The following MORF4L1 variants were observed in gnomAD, a reference collection of about 807,000 sequenced individuals.
The protein encoded by MORF4L1 is mortality factor 4-like protein 1.
A neutral mutation model predicts 52.9 loss-of-function variants in MORF4L1; 4 were observed. The observed-to-expected ratio is 0.08, with a 90% CI of 0.04 to 0.17. The LOEUF is 0.17. MORF4L1 is among the 10% of genes least tolerant of loss of function. The pLI is 1.00. For missense variants in MORF4L1, 214 were observed against 390.4 expected (o/e 0.55, Z 3.81); for synonymous variants, 123 against 134.8 (o/e 0.91, Z 0.61).
chr15:78,881,649 C>G (rs1031856835), intron 3 of MORF4L1, among the ~76,000 whole-genome samples: 1 of 152,140 alleles, frequency 6.6e-6, no homozygotes, highest in East Asian at 1.9e-4. Context: ...ACAAATAACC[C>G]TGTCTAAAAA....
chr15:78,884,836 A>C (rs1421884189), intron 3 of MORF4L1: 3 of 515,012 alleles, frequency 5.8e-6, no homozygotes, highest in Non-Finnish European at 9.9e-6. Context: ...GAGATTTCTA[A>C]ATTTTCAAAC....
rs78029710 is a variant in MORF4L1 at position 78,894,494 on chromosome 15, C to T, written c.802+264C>T. On this transcript the variant is annotated intron_variant, in intron 10 of 11. Coordinates refer to ENST00000426013, the MANE Select transcript of MORF4L1 (RefSeq NM_006791.4). ...TGCGATCTTTGCTCACTGCAACCTC[C>T]GCCTCCTGGGTTCAACAATTCTCCT... 10,582 of 365,070 alleles carry T rather than the reference C, an allele frequency of 0.029. 1,445 individuals carry two copies. In the East Asian group the frequency reaches 0.35, roughly 12 times the overall value. 22.6% of individuals were successfully genotyped at this position (365,070 alleles called of 1,614,324 possible).
chr15:78,886,425 T>G, intron 4 of MORF4L1, 198 bp downstream of exon 4: 1 of 590,528 alleles, frequency 1.7e-6, no homozygotes, highest in Non-Finnish European at 3.1e-6. Flanking sequence ...TGCCATTACT[T>G]GAGCTTATCT....
In MORF4L1 at chr15:78,894,651, G is replaced by A. The variant is rs2056855739; in HGVS notation, c.803-169G>A. On this transcript the variant is annotated intron_variant, in intron 10 of 11. Transcript: ENST00000426013. The stretch of plus-strand genomic sequence containing the variant: ...CTTGAATACCTGACCTCAAGCGATC[G>A]CCTATCTCGGCCTCCCAAAGTGCTG... The A allele has an allele frequency of 6.9e-6, 4 of 579,406 alleles. No individual in the cohort carries two copies. In the East Asian group the frequency reaches 1.2e-4, roughly 17 times the overall value. The allele number at this position is 579,406 out of a possible 1,614,324, so 35.9% of individuals were successfully genotyped here. A position where few individuals can be genotyped will look rare whatever the true frequency, so the allele number is the denominator to read the frequency against.
At chr15:78,883,228 C>T (rs1356372493) in intron 3 of MORF4L1, among the ~76,000 whole-genome samples, 2 of 145,352 alleles carry the variant, frequency 1.4e-5, no homozygotes, top group Admixed American at 6.9e-5. Context: ...AAAAAAAAAG[C>T]GATTGAACAC....
At chr15:78,874,373 G>A (rs553100480) in intron 1 of MORF4L1, among the ~76,000 whole-genome samples, 6 of 151,906 alleles carry the variant, frequency 3.9e-5, no homozygotes, top group Non-Finnish European at 7.4e-5. Context: ...TTGTTAATGA[G>A]TGACTTTTTT....
At chr15:78,880,072 A>G (rs2141461768) in intron 2 of MORF4L1, among the ~76,000 whole-genome samples, 1 of 152,348 alleles carries the variant, frequency 6.6e-6, no homozygotes, top group Non-Finnish European at 1.5e-5. Flanking sequence ...AATATTTTTA[A>G]TTCATTGCTT....
chr15:78,889,683 A>G (rs1337370909), intron 5 of MORF4L1, among the ~76,000 whole-genome samples: 1 of 152,240 alleles, frequency 6.6e-6, no homozygotes, highest in Admixed American at 6.5e-5. Context: ...AGATTTTTAC[A>G]AAACTAACAG....
chr15:78,874,583 C>CTTTTTTTTTTTTTTTTTT (rs56665378), intron 1 of MORF4L1, among the ~76,000 whole-genome samples: 20 of 112,186 alleles, frequency 1.8e-4, no homozygotes, highest in African/African-American at 6.9e-4. Flanking sequence ...CTTTTTCTTT[C>CTTTTTTTTTTTTTTTTTT]TTTTTTTTTT....
In MORF4L1 at chr15:78,891,529, C is replaced by G. The variant is rs2056801412; in HGVS notation, c.395C>G (p.Pro132Arg). The G allele has an allele frequency of 6.2e-7, 1 of 1,613,992 alleles. No homozygotes were observed. The highest frequency in any genetic ancestry group is 1.3e-5 in the African/African-American group (1 of 74,898). Residue 132 changes from proline to arginine, a missense_variant, in exon 7 of 12, where the codon CCT becomes CGT. Coordinates refer to ENST00000426013, the MANE Select transcript of MORF4L1 (RefSeq NM_006791.4). ...GGCAGTACCAGTGAGACCCCTCAGCCTCCTCGGAAGAAAAGGGCCCGGGTA... is the reference window on the plus strand; with the variant it reads ...GGCAGTACCAGTGAGACCCCTCAGCGTCCTCGGAAGAAAAGGGCCCGGGTA... ...DGGSTSETPQ[P>R]PRKKRARVDP...
intron 7 of MORF4L1, among the ~76,000 whole-genome samples, 167 bp from the exon 8 acceptor site, chr15:78,892,045 G>A (rs9806693): frequency 0.32 from 48,740 of 151,986 alleles, 10,391 homozygotes; most frequent in East Asian, 0.73. Context: ...TCCCAACAGC[G>A]AACCGCGTAT....
chr15:78,892,090 T>G, intron 7 of MORF4L1, 122 bp from the exon 8 acceptor site: 1 of 607,024 alleles, frequency 1.6e-6, no homozygotes, highest in Non-Finnish European at 2.9e-6. Flanking sequence ...AAAATGACAG[T>G]ACAGCTGTAT....
intron 2 of MORF4L1, 142 bp from the exon 3 acceptor site, chr15:78,880,370 A>G: frequency 1.6e-6 from 1 of 618,146 alleles, no homozygotes; most frequent in Non-Finnish European, 2.8e-6. Context: ...TTGTAACTTG[A>G]GTATTCTACA....
intron 3 of MORF4L1, chr15:78,885,062 A>G: frequency 2.5e-6 from 4 of 1,613,322 alleles, no homozygotes; most frequent in East Asian, 2.2e-5. Context: ...CCCTCAGTAC[A>G]CCACCCCCTC....
chr15:78,893,655 C>T (rs2056837436), intron 9 of MORF4L1, 28 bp downstream of exon 9: 1 of 1,420,844 alleles, frequency 7.0e-7, no homozygotes, highest in Admixed American at 2.0e-5. Context: ...TCAGATGACA[C>T]TCAAAAGACA....
chr15:78,895,688 A>G (rs1233965791), intron 11 of MORF4L1, among the ~76,000 whole-genome samples: 3 of 152,250 alleles, frequency 2.0e-5, no homozygotes, highest in Admixed American at 1.3e-4. Flanking sequence ...ATCTTTGCAT[A>G]AGATCTGGCT....
chr15:78,885,680 A>G (rs1006771689), intron 3 of MORF4L1, among the ~76,000 whole-genome samples: 2 of 152,196 alleles, frequency 1.3e-5, no homozygotes, highest in Non-Finnish European at 2.9e-5. Context: ...GTTATTTGAG[A>G]TAAGTACTGT....
chr15:78,873,347 G>A (rs2056406681), intron 1 of MORF4L1: 4 of 837,670 alleles, frequency 4.8e-6, no homozygotes, highest in Admixed American at 9.5e-5. Flanking sequence ...AGAGGGCGCG[G>A]AGAGAGCAGC....
chr15:78,884,077 G>A (rs1317305023), intron 3 of MORF4L1, among the ~76,000 whole-genome samples: 1 of 151,858 alleles, frequency 6.6e-6, no homozygotes, highest in Non-Finnish European at 1.5e-5. Context: ...GGTGGTTCAT[G>A]CCTGTAATCC....
Sources: allele counts gnomAD v4.1 joint callset (sites outside exome capture counted in the v4.1 genomes callset), GRCh38; gene constraint gnomAD v4.1.1; transcripts MANE v1.5; gene names NCBI Gene and HGNC (gene_info 2026-07-23, HGNC 2026-07-21).